The following ZNF99 variants were observed in gnomAD, a reference collection of about 807,000 sequenced individuals.
ZNF99 encodes the protein zinc finger protein 99, also known as zinc finger protein ENSP00000375192.
A neutral mutation model predicts 12.8 loss-of-function variants in ZNF99; 8 were observed. The observed-to-expected ratio is 0.62, with a 90% CI of 0.37 to 1.13. The LOEUF (loss-of-function observed/expected upper bound fraction) is 1.13. ZNF99 is among the 50% of genes most tolerant of loss of function. The pLI, the probability that ZNF99 is intolerant of heterozygous loss-of-function variation, is 0.02. For synonymous variants in ZNF99, 318 were observed against 319.0 expected (o/e 1.00, Z 0.03); for missense variants, 1,007 against 1,006.2 (o/e 1.00, Z -0.01).
At position 22,759,653 on chromosome 19, in the gene ZNF99, A is replaced by G. The variant is rs749372131; in HGVS notation, c.256T>C (p.Trp86Arg). ...VISSHFTQDF[W>R]PDQSIKDSFQ... is the part of the protein sequence containing the mutation. ...GAATCTTTTATGCTCTGATCTGGCCAAAAGTCTTGTGTAAAATGAGAACTA... is the reference window on the plus strand; with the variant it reads ...GAATCTTTTATGCTCTGATCTGGCCGAAAGTCTTGTGTAAAATGAGAACTA... The change falls in exon 4 of 4, where the codon TGG becomes CGG. Residue 86 changes from tryptophan to arginine, a missense_variant. Physicochemically the swap from Trp to Arg is moderately radical, Grantham distance 101 (BLOSUM62 -3). Coordinates refer to ENST00000596209, the MANE Select transcript of ZNF99 (RefSeq NM_001080409.3). 1 of 1,557,268 alleles carries G rather than the reference A, an allele frequency of 6.4e-7. No individual in the cohort carries two copies. Among genetic ancestry groups the G allele is most frequent in the African/African-American group, 1.4e-5 (1 of 72,254 alleles).
intron 3 of ZNF99, among the ~76,000 whole-genome samples, chr19:22,764,001 C>T (rs184054347): frequency 5.0e-4 from 74 of 149,454 alleles, no homozygotes; most frequent in Admixed American, 2.6e-3. Flanking sequence ...TTCTGCCTCC[C>T]GGGTTCAAGC....
Position 22,758,460 on chromosome 19 carries a change from A to G in ZNF99, c.1449T>C (p.Cys483=), listed in dbSNP as rs751894034. The change falls in exon 4 of 4, where the codon TGT becomes TGC. Residue 483 remains cysteine, a synonymous_variant. Transcript: ENST00000596209. ...ACTTAAAAGCTTTACCACATTCTTC[A>G]CATTTGTAGGGTTTCTCTCCAGTAT... The part of the protein sequence containing the change: ...IIHTGEKPYK[C]EECGKAFKWS... 6.8e-6 allele frequency: 11 copies of G among 1,613,280 alleles called. No homozygotes were observed. Among genetic ancestry groups the G allele is most frequent in the Non-Finnish European group, 9.3e-6 (11 of 1,179,704 alleles).
chr19:22,782,122 T>C (rs754786689), intron 1 of ZNF99, among the ~76,000 whole-genome samples: 24 of 152,150 alleles, frequency 1.6e-4, no homozygotes, highest in African/African-American at 2.7e-4. Context: ...TAAGGACAAA[T>C]AGTAATGTGA....
At chr19:22,770,188 C>T (rs1051231679) in intron 1 of ZNF99, among the ~76,000 whole-genome samples, 7 of 151,992 alleles carry the variant, frequency 4.6e-5, no homozygotes, top group African/African-American at 1.7e-4. Flanking sequence ...GTTTTTCTGC[C>T]CTATAAACAA....
intron 3 of ZNF99, among the ~76,000 whole-genome samples, chr19:22,766,253 T>C (rs1973202331): frequency 8.0e-6 from 1 of 124,566 alleles, no homozygotes; most frequent in Non-Finnish European, 1.8e-5. Flanking sequence ...AAACAAAAAA[T>C]AGTTAAACAA....
rs1973075545 is a variant in ZNF99, at chr19:22,757,258, AT to A, written c.*55del. On this transcript the variant is annotated 3_prime_UTR_variant, in exon 4 of 4. Transcript: ENST00000596209. ...TCTTATGTTTCCTAAGGGTTGAGGAATTGTTAAAAGCTTTGCCACATTCTTC... is the reference window on the plus strand; with the variant it reads ...TCTTATGTTTCCTAAGGGTTGAGGAATGTTAAAAGCTTTGCCACATTCTTC... 1 of 1,587,924 alleles carries A rather than the reference AT, an allele frequency of 6.3e-7. No homozygotes were observed. Among genetic ancestry groups the A allele is most frequent in the South Asian group, 1.1e-5 (1 of 89,054 alleles).
intron 1 of ZNF99, among the ~76,000 whole-genome samples, chr19:22,782,692 G>A (rs73030818): frequency 0.088 from 10,045 of 114,216 alleles, 464 homozygotes; most frequent in South Asian, 0.11. Context: ...TTTAATATGA[G>A]AGGGAGTCTC....
At chr19:22,766,882 C>T (rs1219655856) in intron 3 of ZNF99, among the ~76,000 whole-genome samples, 1 of 151,358 alleles carries the variant, frequency 6.6e-6, no homozygotes, top group African/African-American at 2.4e-5. Context: ...AACTCCCAAC[C>T]TCAGGTGATC....
In ZNF99 at chr19:22,759,216, A is replaced by G. The variant is rs963299427; in HGVS notation, c.693T>C (p.Tyr231=). 5.7e-6 allele frequency: 9 copies of G among 1,567,058 alleles called. No individual in the cohort carries two copies. Among genetic ancestry groups the G allele is most frequent in the African/African-American group, 1.4e-5 (1 of 73,504 alleles). The part of the protein sequence containing the change: ...IIHTEDKPYK[Y]KKCGKAFNIS... ...TGTTAAAAGCTTTGCCACATTTCTT[A>G]TATTTGTAGGGTTTGTCTTCAGTAT... The change falls in exon 4 of 4, where the codon TAT becomes TAC. Residue 231 remains tyrosine, a synonymous_variant. Coordinates refer to ENST00000596209, the MANE Select transcript of ZNF99 (RefSeq NM_001080409.3).
chr19:22,772,004 C>A (rs1973279204), intron 1 of ZNF99, among the ~76,000 whole-genome samples: 1 of 151,486 alleles, frequency 6.6e-6, no homozygotes, highest in Admixed American at 6.6e-5. Flanking sequence ...GCGTGAGCCA[C>A]CGCGCCCAGC....
chr19:22,758,046 G>C lies in ZNF99; in HGVS notation c.1863C>G (p.Tyr621Ter), dbSNP rs1418180842. Residue 621 changes from tyrosine to a stop codon, truncating the protein, a stop_gained, in exon 4 of 4, where the codon TAC becomes TAG. Transcript: ENST00000596209. LOFTEE classifies it low-confidence loss of function (END_TRUNC). Reference protein sequence around the residue: ...HQIIHTGKKPYKCEECGKAFS... With the variant: ...HQIIHTGKKP ...AAGCTTTGCCACATTCTTCACATTT[G>C]TAGGGTTTCTTTCCAGTATGAATTA... 3.1e-6 allele frequency: 5 copies of C among 1,610,034 alleles called. 1 individual carries two copies. The South Asian group carries it at 5.5e-5, about 18-fold the overall frequency.
At chr19:22,775,446 A>G (rs1462079955) in intron 1 of ZNF99, among the ~76,000 whole-genome samples, 2 of 152,242 alleles carry the variant, frequency 1.3e-5, no homozygotes, top group Admixed American at 6.5e-5. Context: ...ACTTGAAATT[A>G]TAAGAAACCC....
chr19:22,759,317 C>G lies in ZNF99; in HGVS notation c.592G>C (p.Glu198Gln). The change falls in exon 4 of 4, where the codon GAG (glutamate) becomes CAG (glutamine). Residue 198 changes from glutamate to glutamine, a missense_variant. Glu to Gln is a conservative substitution (Grantham distance 29, BLOSUM62 2). Transcript: ENST00000596209. ...CGTTCTTCACATTTGTAGATATTCT[C>G]TCTAGTATGAATTCTCTTATGTTGA... ...LIQHKRIHTR[E>Q]NIYKCEERGK... The G allele has an allele frequency of 6.5e-7, 1 of 1,549,162 alleles. No individual in the cohort carries two copies. The highest frequency in any genetic ancestry group is 8.7e-7 in the Non-Finnish European group (1 of 1,147,928).
chr19:22,764,044 G>A (rs948537686), intron 3 of ZNF99, among the ~76,000 whole-genome samples: 7 of 151,496 alleles, frequency 4.6e-5, no homozygotes, highest in Admixed American at 2.0e-4. Context: ...AAGTAGCTGG[G>A]ATTACAGGTG....
intron 1 of ZNF99, among the ~76,000 whole-genome samples, chr19:22,778,734 G>A (rs569342529): frequency 1.9e-4 from 29 of 152,292 alleles, no homozygotes; most frequent in African/African-American, 6.0e-4. Flanking sequence ...GGCTGAGCAC[G>A]GTGGCTCACA....
intron 1 of ZNF99, among the ~76,000 whole-genome samples, chr19:22,775,921 C>T (rs779325651): frequency 1.9e-4 from 29 of 152,066 alleles, no homozygotes; most frequent in Non-Finnish European, 3.2e-4. Flanking sequence ...TCTCGGGAGG[C>T]TGAGGTAGGA....
chr19:22,758,296 T>C lies in ZNF99; in HGVS notation c.1613A>G (p.Lys538Arg). ...AAAAGCTTTGCCACATTCTTCACAT[T>C]TGTAGGGTTTCTTTCCAGTATGAAT... is the stretch of plus-strand genomic sequence containing the variant. ...KIIHTGKKPY[K>R]CEECGKAFNN... Residue 538 changes from lysine to arginine, a missense_variant, in exon 4 of 4, where the codon AAA becomes AGA. By Grantham distance (26) the Lys-to-Arg change is conservative. Transcript: ENST00000596209. 6.2e-7 allele frequency: 1 copy of C among 1,609,714 alleles called. No individual in the cohort carries two copies. Among genetic ancestry groups the C allele is most frequent in the Non-Finnish European group, 8.5e-7 (1 of 1,177,012 alleles).
intron 3 of ZNF99, 69 bp from the exon 4 acceptor site, chr19:22,759,751 C>G (rs1216764673): frequency 8.3e-7 from 1 of 1,199,620 alleles, no homozygotes; most frequent in Non-Finnish European, 1.1e-6. Flanking sequence ...ACAAATCTAA[C>G]CTATAAAATT....
rs34457637 is a variant in ZNF99, at chr19:22,771,714, CT to C, written c.4-2391del. 7.7e-3 allele frequency among the ~76,000 whole-genome samples: 703 copies of C among 91,118 alleles called. 3 individuals carry two copies. Among genetic ancestry groups the C allele is most frequent in the African/African-American group, 0.02 (485 of 23,706 alleles). The allele number at this position is 91,118 out of a possible 152,430, so 59.8% of individuals were successfully genotyped here. On this transcript the variant is annotated intron_variant, in intron 1 of 3. Transcript: ENST00000596209. The stretch of plus-strand genomic sequence containing the variant: ...CCCTATTCAACAACCACAGGTGAAA[CT>C]TTTTTTTTTTTTTTTTTTTTGAGAC...
Sources: gnomAD v4.1 joint callset for allele counts (sites outside exome capture counted in the v4.1 genomes callset) on GRCh38, gnomAD v4.1.1 for gene constraint, MANE v1.5 for transcripts, NCBI Gene and HGNC (gene_info 2026-07-23, HGNC 2026-07-21) for gene names.